Variants in CNTNAP2 observed in about 807,000 individuals in gnomAD.
CNTNAP2 encodes the protein contactin associated protein 2.
Under a neutral mutation model 155.2 loss-of-function variants are expected in CNTNAP2, and 98 were observed. The observed-to-expected ratio is 0.63, with a 90% CI of 0.54 to 0.75. The LOEUF is 0.75. CNTNAP2 is among the 30% of genes least tolerant of loss of function. The pLI is 0.00. For missense variants in CNTNAP2, 1,727 were observed against 1,688.1 expected, an observed-to-expected ratio of 1.02 and a Z score of -0.40; for synonymous variants, 651 against 631.2, an observed-to-expected ratio of 1.03 and a Z score of -0.47.
intron 4 of CNTNAP2, among the ~76,000 whole-genome samples, chr7:147,062,124 T>C (rs1799690394): frequency 5.2e-5 from 2 of 38,664 alleles, no homozygotes; most frequent in East Asian, 1.0e-3. Flanking sequence ...CGAGACTCCG[T>C]CTCAAAAAAA....
At chr7:148,355,450 G>A (rs78535435) in intron 21 of CNTNAP2, among the ~76,000 whole-genome samples, 5,532 of 151,848 alleles carry the variant, frequency 0.036, 101 homozygotes, top group African/African-American at 0.049. Context: ...TGTTATAATA[G>A]TTTGCCAGGT....
chr7:146,562,020 G>A (rs1798287312), intron 1 of CNTNAP2, among the ~76,000 whole-genome samples: 1 of 151,938 alleles, frequency 6.6e-6, no homozygotes, highest in Non-Finnish European at 1.5e-5. Context: ...AAATTCCTGG[G>A]CTCAAGCAAT....
intron 16 of CNTNAP2, among the ~76,000 whole-genome samples, chr7:148,133,227 C>T (rs992726559): frequency 2.0e-5 from 3 of 151,802 alleles, no homozygotes; most frequent in Non-Finnish European, 2.9e-5. Flanking sequence ...TTTGGAAGGC[C>T]GAGGCAGGCA....
chr7:147,263,375 A>AC (rs1238975982), intron 8 of CNTNAP2, among the ~76,000 whole-genome samples: 1 of 101,618 alleles, frequency 9.8e-6, no homozygotes, highest in African/African-American at 4.6e-5. Flanking sequence ...AAAAATAAAA[A>AC]TTAAAAAAAA....
Position 148,279,099 on chromosome 7 carries a change from T to C in CNTNAP2, c.3475+11973T>C, listed in dbSNP as rs1032279830. The stretch of plus-strand genomic sequence containing the variant: ...CAGATGGAGACCATCATGGAGAGTC[T>C]GCATTTTATTCTAAATGAGATGAGA... On this transcript the variant is annotated intron_variant, in intron 21 of 23. Coordinates refer to ENST00000361727, the MANE Select transcript of CNTNAP2 (RefSeq NM_014141.6). Among the ~76,000 whole-genome samples the C allele has an allele frequency of 2.0e-5, 3 of 152,238 alleles. No homozygotes were observed. In the South Asian group the frequency reaches 6.2e-4, roughly 32 times the overall value.
chr7:147,857,713 C>T (rs79728881), intron 13 of CNTNAP2, among the ~76,000 whole-genome samples: 5,008 of 152,240 alleles, frequency 0.033, 138 homozygotes, highest in Non-Finnish European at 0.052. Context: ...GCCCATTTAC[C>T]ACTTAGAAGC....
At chr7:146,176,701 A>G (rs1408865106) in intron 1 of CNTNAP2, among the ~76,000 whole-genome samples, 1 of 152,176 alleles carries the variant, frequency 6.6e-6, no homozygotes. Context: ...GATACGGCTA[A>G]GTTCCTGGCC....
At chr7:148,289,619 G>A (rs1010243671) in intron 21 of CNTNAP2, among the ~76,000 whole-genome samples, 13 of 151,756 alleles carry the variant, frequency 8.6e-5, no homozygotes, top group Non-Finnish European at 1.3e-4. Context: ...TTGGGGAGGC[G>A]GGTAAAGGAA....
intron 1 of CNTNAP2, among the ~76,000 whole-genome samples, chr7:146,696,470 ACT>A (rs1244607699): frequency 3.9e-4 from 59 of 152,224 alleles, no homozygotes; most frequent in African/African-American, 1.4e-3. Flanking sequence ...TTCAAAGAAC[ACT>A]AGCTTTTGGT....
chr7:146,851,626 G>A (rs1794878760), intron 3 of CNTNAP2, among the ~76,000 whole-genome samples: 1 of 150,752 alleles, frequency 6.6e-6, no homozygotes, highest in African/African-American at 2.4e-5. Context: ...TCTTCTCCCT[G>A]TGTTGCTTTA....
intron 10 of CNTNAP2, among the ~76,000 whole-genome samples, chr7:147,448,228 G>C (rs571616454): frequency 6.6e-6 from 1 of 152,136 alleles, no homozygotes; most frequent in African/African-American, 2.4e-5. Flanking sequence ...AATGTTTGTA[G>C]TTTTTAATCT....
chr7:147,968,137 T>G (rs1481361022), intron 14 of CNTNAP2, among the ~76,000 whole-genome samples: 1 of 152,222 alleles, frequency 6.6e-6, no homozygotes, highest in African/African-American at 2.4e-5. Flanking sequence ...TTGTGTTGAT[T>G]GTACAAAGTT....
At chr7:147,986,903 T>C (rs1049438832) in intron 15 of CNTNAP2, among the ~76,000 whole-genome samples, 1 of 148,346 alleles carries the variant, frequency 6.7e-6, no homozygotes, top group South Asian at 2.1e-4. Flanking sequence ...GTGTGTGTGG[T>C]TGGTTTTTTT....
intron 1 of CNTNAP2, among the ~76,000 whole-genome samples, chr7:146,476,433 A>G (rs1049720545): frequency 2.0e-5 from 3 of 152,136 alleles, no homozygotes; most frequent in Admixed American, 6.5e-5. Context: ...CAGCATAACT[A>G]ACTCCTGGTA....
intron 21 of CNTNAP2, among the ~76,000 whole-genome samples, chr7:148,279,519 G>A (rs1434891393): frequency 6.6e-6 from 1 of 152,196 alleles, no homozygotes; most frequent in Admixed American, 6.5e-5. Context: ...TTTAGGAACT[G>A]TGGAATAAAA....
chr7:147,397,454 T>G (rs1796838379), intron 10 of CNTNAP2, among the ~76,000 whole-genome samples: 1 of 152,038 alleles, frequency 6.6e-6, no homozygotes, highest in Admixed American at 6.6e-5. Flanking sequence ...TCAGTAATTG[T>G]GATGATACAA....
intron 1 of CNTNAP2, among the ~76,000 whole-genome samples, chr7:146,220,740 T>G (rs2116896810): frequency 6.6e-6 from 1 of 152,256 alleles, no homozygotes. Context: ...TTTTAAAACG[T>G]TATGAATGAA....
At chr7:146,435,591 A>G (rs1796232139) in intron 1 of CNTNAP2, among the ~76,000 whole-genome samples, 1 of 152,230 alleles carries the variant, frequency 6.6e-6, no homozygotes, top group Non-Finnish European at 1.5e-5. Flanking sequence ...ATAAAGGGTC[A>G]TTGAAGAGAC....
chr7:147,710,235 C>T (rs150896620), intron 13 of CNTNAP2, among the ~76,000 whole-genome samples: 7 of 152,240 alleles, frequency 4.6e-5, no homozygotes, highest in Non-Finnish European at 5.9e-5. Context: ...AAATAGATCT[C>T]CTAGGAATAT....
Sources: allele counts gnomAD v4.1 joint callset (sites outside exome capture counted in the v4.1 genomes callset), GRCh38; gene constraint gnomAD v4.1.1; transcripts MANE v1.5; gene names NCBI Gene and HGNC (gene_info 2026-07-23, HGNC 2026-07-21).